The following USP49 variants were observed in gnomAD, a reference collection of about 807,000 sequenced individuals.
The protein encoded by USP49 is ubiquitin specific peptidase 49, also known as ubiquitin carboxyl-terminal hydrolase 49.
In USP49, 24 loss-of-function variants were observed where a neutral mutation model predicts 58.6. The ratio of observed to expected loss-of-function variants is 0.41; its 90% CI spans 0.30 to 0.58. The LOEUF (loss-of-function observed/expected upper bound fraction) is 0.58, where lower values mean the gene tolerates loss of function less well. Ranked by LOEUF, USP49 falls within the 20% of genes least tolerant of loss-of-function variation. The probability of loss-of-function intolerance (pLI) is 0.30; values close to 1 mark genes in which losing one functional copy is unlikely to be tolerated. For missense variants in USP49, 703 were observed against 866.1 expected, an observed-to-expected ratio of 0.81 and a Z score of 2.36; for synonymous variants, 408 against 365.1, an observed-to-expected ratio of 1.12 and a Z score of -1.34.
At chr6:41,858,458 C>T (rs1774167316) in intron 3 of USP49, among the ~76,000 whole-genome samples, 2 of 152,110 alleles carry the variant, frequency 1.3e-5, no homozygotes, top group East Asian at 3.8e-4. Context: ...CCTATTAATT[C>T]TTCCTTATGA....
intron 3 of USP49, among the ~76,000 whole-genome samples, chr6:41,834,339 T>G (rs890594211): frequency 2.0e-5 from 3 of 152,096 alleles, no homozygotes; most frequent in African/African-American, 7.2e-5. Context: ...GCAATAAAAA[T>G]TAGTAAAGAA....
At chr6:41,824,962 G>A (rs909168260) in intron 3 of USP49, among the ~76,000 whole-genome samples, 1 of 152,170 alleles carries the variant, frequency 6.6e-6, no homozygotes, top group African/African-American at 2.4e-5. Context: ...TAAAGCAGAC[G>A]TACTTCTGGG....
Position 41,791,738 on chromosome 6 carries a change from A to T in USP49, c.*4795T>A, listed in dbSNP as rs1268396867. On this transcript the variant is annotated 3_prime_UTR_variant, in exon 8 of 8. Transcript: ENST00000682992. ...AGTAGCTATGGTGTATTTAGTGCAG[A>T]GTGTGGGATGAATAAGTACATAGTA... The T allele has an allele frequency of 1.3e-5, 2 of 152,256 alleles. No individual in the cohort carries two copies. Among genetic ancestry groups the T allele is most frequent in the African/African-American group, 4.8e-5 (2 of 41,476 alleles). 9.4% of individuals were successfully genotyped at this position (152,256 alleles called of 1,614,324 possible).
At chr6:41,853,999 C>CGAA (rs1774079783) in intron 3 of USP49, among the ~76,000 whole-genome samples, 11 of 58,870 alleles carry the variant, frequency 1.9e-4, no homozygotes, top group Non-Finnish European at 3.1e-4. Flanking sequence ...GACTCTGTCT[C>CGAA]GAAAAAAAAA....
chr6:41,830,673 A>G (rs893463203), intron 3 of USP49, among the ~76,000 whole-genome samples: 1 of 151,988 alleles, frequency 6.6e-6, no homozygotes, highest in African/African-American at 2.4e-5. Flanking sequence ...CTAAAAATAC[A>G]AAAATTAGCT....
At chr6:41,854,807 T>G (rs1423256389) in intron 3 of USP49, among the ~76,000 whole-genome samples, 1 of 152,120 alleles carries the variant, frequency 6.6e-6, no homozygotes, top group Non-Finnish European at 1.5e-5. Context: ...AGGGTCTCAC[T>G]TTTTCCCCAA....
chr6:41,812,756 A>G (rs1050817037), intron 3 of USP49, among the ~76,000 whole-genome samples: 3 of 152,220 alleles, frequency 2.0e-5, no homozygotes, highest in African/African-American at 7.2e-5. Flanking sequence ...CTTCATAGAA[A>G]TCAAAGAAAG....
At chr6:41,884,302 C>T (rs1006562348) in intron 2 of USP49, among the ~76,000 whole-genome samples, 1 of 152,136 alleles carries the variant, frequency 6.6e-6, no homozygotes, top group Non-Finnish European at 1.5e-5. Context: ...GGATTACAGG[C>T]GTGAGCCACC....
chr6:41,845,791 T>C (rs1465826840), intron 3 of USP49, among the ~76,000 whole-genome samples: 1 of 152,224 alleles, frequency 6.6e-6, no homozygotes, highest in Non-Finnish European at 1.5e-5. Context: ...GATTTTTATC[T>C]TTCAAGATTG....
Position 41,793,851 on chromosome 6 carries a change from G to A in USP49, c.*2682C>T, listed in dbSNP as rs950628211. On this transcript the variant is annotated 3_prime_UTR_variant, in exon 8 of 8. Transcript: ENST00000682992. ...ACATGCCAGCCAACTAACTACAAAG[G>A]GTTCCTGGAATGAGACTCTTAACTA... is the stretch of plus-strand genomic sequence containing the variant. 1 of 152,170 alleles carries A rather than the reference G, an allele frequency of 6.6e-6. No individual in the cohort carries two copies. The highest frequency in any genetic ancestry group is 1.5e-5 in the Non-Finnish European group (1 of 68,036). 9.4% of individuals were successfully genotyped at this position (152,170 alleles called of 1,614,324 possible).
intron 3 of USP49, among the ~76,000 whole-genome samples, chr6:41,867,219 T>C (rs1281881609): frequency 6.6e-6 from 1 of 152,238 alleles, no homozygotes; most frequent in African/African-American, 2.4e-5. Flanking sequence ...ATTTACTCTT[T>C]AGGCCATCAC....
chr6:41,819,156 G>A (rs1378632680), intron 3 of USP49, among the ~76,000 whole-genome samples: 2 of 152,018 alleles, frequency 1.3e-5, no homozygotes, highest in African/African-American at 2.4e-5. Context: ...AACAGCATGT[G>A]GATATCTGCA....
rs1772766935 is a variant in USP49 at position 41,789,996 on chromosome 6, GACAAAA to G, written c.*6531_*6536del. ...CATGATTTATATTTCACACTTGAGA[GACAAAA>G]ACAAGCCCCAAAACATGGATTTTAA... On this transcript the variant is annotated 3_prime_UTR_variant, in exon 8 of 8. Transcript: ENST00000682992. The G allele has an allele frequency of 6.6e-6, 1 of 151,240 alleles. No homozygotes were observed. The highest frequency in any genetic ancestry group is 1.5e-5 in the Non-Finnish European group (1 of 67,936). 9.4% of individuals were successfully genotyped at this position (151,240 alleles called of 1,614,324 possible).
At chr6:41,804,757 T>TG (rs2127322370) in intron 4 of USP49, among the ~76,000 whole-genome samples, 1 of 152,248 alleles carries the variant, frequency 6.6e-6, no homozygotes, top group Non-Finnish European at 1.5e-5. Context: ...GTTTGTTTTT[T>TG]GGTTTTTTTT....
intron 3 of USP49, among the ~76,000 whole-genome samples, chr6:41,834,413 G>A (rs987604796): frequency 2.6e-5 from 4 of 152,092 alleles, no homozygotes; most frequent in Non-Finnish European, 4.4e-5. Context: ...CTATTATCCC[G>A]ATTTTATATA....
chr6:41,806,784 A>G lies in USP49; in HGVS notation c.200T>C (p.Met67Thr). 1 of 1,614,218 alleles carries G rather than the reference A, an allele frequency of 6.2e-7. No homozygotes were observed. Among genetic ancestry groups the G allele is most frequent in the Non-Finnish European group, 8.5e-7 (1 of 1,180,028 alleles). ...HFEETGHPLAMEVRDLYVFCY... is the reference protein window; with the variant it reads ...HFEETGHPLATEVRDLYVFCY... ...GAACACGTAGAGATCCCGGACTTCC[A>G]TGGCTAGCGGGTGTCCCGTCTCCTC... Residue 67 changes from methionine (M) to threonine (T), a missense_variant, in exon 4 of 8, where the codon ATG becomes ACG. Physicochemically the swap from Met to Thr is moderately conservative, Grantham distance 81. This residue lies in a region of USP49 where 376 missense variants were observed against 373.5 expected (regional missense o/e 1.01). Coordinates refer to ENST00000682992, the MANE Select transcript of USP49 (RefSeq NM_001286554.2). The surrounding 1 kb of genome is among the most constrained non-coding windows in gnomAD (Gnocchi z 5.9).
intron 2 of USP49, among the ~76,000 whole-genome samples, chr6:41,873,559 T>C (rs1774452616): frequency 6.6e-6 from 1 of 152,140 alleles, no homozygotes; most frequent in Non-Finnish European, 1.5e-5. Context: ...TGGACAGGGG[T>C]TTCACATCCA....
intron 3 of USP49, among the ~76,000 whole-genome samples, chr6:41,832,125 T>TA (rs1352648032): frequency 2.6e-5 from 4 of 152,162 alleles, no homozygotes; most frequent in African/African-American, 4.8e-5. Flanking sequence ...GTTTTTTTTT[T>TA]ACCATTCACC....
In USP49 at chr6:41,805,968, C is replaced by A; in HGVS notation, c.1016G>T (p.Ser339Ile). The A allele has an allele frequency of 6.2e-7, 1 of 1,613,894 alleles. No individual in the cohort carries two copies. The highest frequency in any genetic ancestry group is 8.5e-7 in the Non-Finnish European group (1 of 1,180,030). The change falls in exon 4 of 8, where the codon AGT becomes ATT. Residue 339 changes from serine to isoleucine, a missense_variant. Around this residue, in one of 6 missense-constraint regions of USP49, gnomAD observed 97 missense variants for 88.0 expected, o/e 1.10. Transcript: ENST00000682992. ...GFCWNGRASI[S>I]RSLELIQNKE... Reference sequence around the variant, plus strand: ...GTTCTGGATGAGCTCCAGACTCCGACTAATGGAGGCCCTGCCGTTCCAGCA... The same window carrying A: ...GTTCTGGATGAGCTCCAGACTCCGAATAATGGAGGCCCTGCCGTTCCAGCA...
Sources: allele counts gnomAD v4.1 joint callset (sites outside exome capture counted in the v4.1 genomes callset), GRCh38; gene constraint gnomAD v4.1.1; regional missense constraint gnomAD v4.1.1; non-coding constraint Gnocchi (gnomAD v3.1); transcripts MANE v1.5; gene names NCBI Gene and HGNC (gene_info 2026-07-23, HGNC 2026-07-21).